PLPP4: variants seen among roughly 807,000 people sequenced by gnomAD.
The protein encoded by PLPP4 is diacylglycerol pyrophosphate like 2.
A neutral mutation model predicts 32.2 loss-of-function variants in PLPP4; 20 were observed. The observed-to-expected ratio is 0.62, with a 90% CI of 0.44 to 0.90. The LOEUF is 0.90. Ranked by LOEUF, PLPP4 falls within the 40% of genes least tolerant of loss-of-function variation. The probability of loss-of-function intolerance (pLI) is 0.00; values close to 1 mark genes in which losing one functional copy is unlikely to be tolerated. For synonymous variants in PLPP4, 127 were observed against 133.0 expected (o/e 0.95, Z 0.31); for missense variants, 257 against 353.1 (o/e 0.73, Z 2.18).
At chr10:120,509,520 C>G (rs1845642130) in intron 2 of PLPP4, among the ~76,000 whole-genome samples, 1 of 152,042 alleles carries the variant, frequency 6.6e-6, no homozygotes, top group Admixed American at 6.6e-5. Flanking sequence ...AGATGGTGTT[C>G]AATATATAAT....
intron 1 of PLPP4, among the ~76,000 whole-genome samples, chr10:120,487,696 C>T (rs934082560): frequency 6.6e-6 from 1 of 152,078 alleles, no homozygotes; most frequent in African/African-American, 2.4e-5. Flanking sequence ...TTGGCTTCTC[C>T]ATTGTTTGGG....
At chr10:120,501,896 G>A (rs1418691508) in intron 1 of PLPP4, among the ~76,000 whole-genome samples, 1 of 152,222 alleles carries the variant, frequency 6.6e-6, no homozygotes, top group Admixed American at 6.5e-5. Flanking sequence ...CAGAGGCCCT[G>A]GGTGGGGAAG....
intron 1 of PLPP4, among the ~76,000 whole-genome samples, chr10:120,495,422 A>C (rs1359480787): frequency 6.6e-6 from 1 of 152,104 alleles, no homozygotes; most frequent in Non-Finnish European, 1.5e-5. Flanking sequence ...AGGACTAATG[A>C]ATAATCTGAT....
At chr10:120,522,869 G>A (rs750651732) in intron 5 of PLPP4, among the ~76,000 whole-genome samples, 12 of 152,150 alleles carry the variant, frequency 7.9e-5, no homozygotes, top group Non-Finnish European at 1.6e-4. Flanking sequence ...TTGAAAGAAT[G>A]AACACTGTTT....
At chr10:120,496,919 G>A (rs1369443703) in intron 1 of PLPP4, among the ~76,000 whole-genome samples, 1 of 45,228 alleles carries the variant, frequency 2.2e-5, no homozygotes, top group African/African-American at 6.3e-5. Flanking sequence ...GTGAGTGTGT[G>A]TGTGTGTGTG....
intron 1 of PLPP4, 103 bp downstream of exon 1, chr10:120,457,464 G>T: frequency 9.4e-7 from 1 of 1,068,252 alleles, no homozygotes; most frequent in Non-Finnish European, 1.3e-6. Context: ...TCCCACTGGG[G>T]CCTGGGTTCG....
Position 120,486,790 on chromosome 10 carries a change from G to A in PLPP4, c.57-17028G>A, listed in dbSNP as rs573568373. ...CTCTCTTGGGGACTGGTAACAGTGA[G>A]CTTCCAAGGGAATGGTGTGACGAGC... On this transcript the variant is annotated intron_variant, in intron 1 of 6. Coordinates refer to ENST00000398250, the MANE Select transcript of PLPP4 (RefSeq NM_001030059.3). Among the ~76,000 whole-genome samples the A allele has an allele frequency of 3.9e-5, 6 of 152,342 alleles. 1 individual carries two copies. The South Asian group carries it at 6.2e-4, about 16-fold the overall frequency.
At chr10:120,459,729 G>C (rs1429789035) in intron 1 of PLPP4, among the ~76,000 whole-genome samples, 2 of 152,140 alleles carry the variant, frequency 1.3e-5, no homozygotes, top group African/African-American at 4.8e-5. Flanking sequence ...AATTATCTGC[G>C]GGGAGAGGGG....
At position 120,513,890 on chromosome 10, in the gene PLPP4, AT is replaced by A; in HGVS notation, c.166-19del. ...TAGCAAACTGATGTCCTCATAAGGG[AT>A]TGTTTGTTATTTCTTCCAGGCAATT... On this transcript the variant is annotated intron_variant, in intron 2 of 6. Coordinates refer to ENST00000398250, the MANE Select transcript of PLPP4 (RefSeq NM_001030059.3). 1 of 1,584,500 alleles carries A rather than the reference AT, an allele frequency of 6.3e-7. No individual in the cohort carries two copies. Among genetic ancestry groups the A allele is most frequent in the Non-Finnish European group, 8.7e-7 (1 of 1,153,182 alleles).
intron 5 of PLPP4, among the ~76,000 whole-genome samples, chr10:120,570,324 A>C (rs1156376491): frequency 6.6e-6 from 1 of 151,954 alleles, no homozygotes; most frequent in African/African-American, 2.4e-5. Context: ...ACCCTTCCAC[A>C]CTAAGGTTTA....
chr10:120,464,016 G>T (rs148595002), intron 1 of PLPP4, among the ~76,000 whole-genome samples: 1 of 152,152 alleles, frequency 6.6e-6, no homozygotes, highest in East Asian at 1.9e-4. Context: ...CATTGCCTAT[G>T]CTGGTCTTGA....
intron 6 of PLPP4, among the ~76,000 whole-genome samples, chr10:120,579,879 G>A (rs1173035714): frequency 9.9e-5 from 15 of 151,456 alleles, no homozygotes; most frequent in Admixed American, 4.6e-4. Context: ...AGGCCGAGGC[G>A]GGCAGATCAC....
At chr10:120,523,315 A>C (rs1366677469) in intron 5 of PLPP4, among the ~76,000 whole-genome samples, 1 of 152,104 alleles carries the variant, frequency 6.6e-6, no homozygotes. Context: ...AAAGAAAAAA[A>C]AAAAAGCTCA....
intron 1 of PLPP4, among the ~76,000 whole-genome samples, chr10:120,495,011 G>A (rs918037036): frequency 2.6e-5 from 4 of 152,192 alleles, no homozygotes; most frequent in Non-Finnish European, 5.9e-5. Context: ...TGTTGTATGT[G>A]TGTATTGTGT....
chr10:120,495,611 T>A (rs1166738726), intron 1 of PLPP4, among the ~76,000 whole-genome samples: 1 of 152,200 alleles, frequency 6.6e-6, no homozygotes, highest in African/African-American at 2.4e-5. Flanking sequence ...GTTTTTTGTT[T>A]ATCATGTGTC....
intron 5 of PLPP4, among the ~76,000 whole-genome samples, chr10:120,557,006 C>A (rs1020250534): frequency 6.6e-6 from 1 of 151,254 alleles, no homozygotes; most frequent in African/African-American, 2.4e-5. Flanking sequence ...AACTTTGTAA[C>A]AAAAGTATTT....
chr10:120,576,325 A>G (rs1417365962), intron 6 of PLPP4, among the ~76,000 whole-genome samples: 1 of 152,140 alleles, frequency 6.6e-6, no homozygotes, highest in African/African-American at 2.4e-5. Context: ...GTTGCTGGGC[A>G]TTGTTCACCT....
chr10:120,469,735 C>T (rs1158334000), intron 1 of PLPP4, among the ~76,000 whole-genome samples: 1 of 152,160 alleles, frequency 6.6e-6, no homozygotes, highest in African/African-American at 2.4e-5. Flanking sequence ...TTTTTATACA[C>T]ATTTGTATAT....
chr10:120,531,635 T>A (rs886560845), intron 5 of PLPP4, among the ~76,000 whole-genome samples: 1 of 152,146 alleles, frequency 6.6e-6, no homozygotes, highest in Non-Finnish European at 1.5e-5. Context: ...TTGAAGTTCA[T>A]TTTTTTCATA....
Sources: gnomAD v4.1 joint callset for allele counts (sites outside exome capture counted in the v4.1 genomes callset) on GRCh38, gnomAD v4.1.1 for gene constraint, MANE v1.5 for transcripts, NCBI Gene and HGNC (gene_info 2026-07-23, HGNC 2026-07-21) for gene names.